RGPD2: variants seen among roughly 807,000 people sequenced by gnomAD.
RGPD2 encodes RANBP2-like and GRIP domain-containing protein 2.
RGPD2 carries 2 observed loss-of-function variants against 36.0 expected under a neutral mutation model. That is an observed-to-expected ratio of 0.06 (90% CI 0.02 to 0.17). The LOEUF is 0.17. Among genes scored for constraint, RGPD2 ranks in the 10% least tolerant of loss-of-function variants. The pLI is 1.00. For synonymous variants in RGPD2, 19 were observed against 163.8 expected (o/e 0.12, Z 6.75); for missense variants, 40 against 464.3 (o/e 0.09, Z 8.40).
At chr2:87,872,799 G>A in the RGPD2 span, among the ~76,000 whole-genome samples, 187 of 150,950 alleles carry the variant, frequency 1.2e-3, no homozygotes, top group Non-Finnish European at 2.3e-3. Context: ...TTCCTCTGTC[G>A]CCCAGGCTGG....
chr2:87,915,444 T>A, the RGPD2 span, among the ~76,000 whole-genome samples: 1 of 141,970 alleles, frequency 7.0e-6, no homozygotes, highest in Admixed American at 7.3e-5. Context: ...TATGTGTATA[T>A]ATATACACAT....
chr2:87,888,403 G>A, the RGPD2 span, among the ~76,000 whole-genome samples: 1 of 143,504 alleles, frequency 7.0e-6, no homozygotes, highest in Non-Finnish European at 1.5e-5. Flanking sequence ...TGGATTTAGG[G>A]CCAAGATTTT....
At chr2:87,834,528 G>GA in the RGPD2 span, among the ~76,000 whole-genome samples, 1 of 151,946 alleles carries the variant, frequency 6.6e-6, no homozygotes, top group Non-Finnish European at 1.5e-5. Context: ...TGAATATATA[G>GA]AAAAAATAGA....
the RGPD2 span, among the ~76,000 whole-genome samples, chr2:87,918,435 G>T: frequency 1.3e-5 from 2 of 151,382 alleles, no homozygotes; most frequent in Non-Finnish European, 2.9e-5. Context: ...TCAACTTAAA[G>T]ATTTCCCAGA....
the RGPD2 span, among the ~76,000 whole-genome samples, chr2:87,952,648 T>A: frequency 1.3e-5 from 2 of 151,804 alleles, no homozygotes; most frequent in Non-Finnish European, 2.9e-5. Context: ...TAATGCCAAC[T>A]CTGATGAAGT....
the RGPD2 span, among the ~76,000 whole-genome samples, chr2:87,857,273 T>C: frequency 6.6e-6 from 1 of 152,266 alleles, no homozygotes; most frequent in Non-Finnish European, 1.5e-5. Flanking sequence ...TAATAGGTTA[T>C]GGCTTACTAA....
the RGPD2 span, among the ~76,000 whole-genome samples, chr2:87,881,101 T>C: frequency 6.6e-6 from 1 of 151,352 alleles, no homozygotes; most frequent in East Asian, 1.9e-4. Flanking sequence ...GGCACACTAG[T>C]GCAAGGGGTG....
the RGPD2 span, among the ~76,000 whole-genome samples, chr2:87,846,250 C>T: frequency 2.6e-5 from 4 of 151,804 alleles, no homozygotes; most frequent in South Asian, 2.1e-4. Flanking sequence ...AGGATGTATA[C>T]GAAGGTAAGA....
At chr2:87,972,521 C>T in the RGPD2 span, 3 of 596,182 alleles carry the variant, frequency 5.0e-6, no homozygotes, top group Middle Eastern at 4.4e-4. Context: ...GGGATGGAAG[C>T]TCCGGCCGCG....
the RGPD2 span, among the ~76,000 whole-genome samples, chr2:87,951,409 G>C: frequency 6.6e-6 from 1 of 152,050 alleles, no homozygotes; most frequent in African/African-American, 2.4e-5. Context: ...TATGTAGACA[G>C]AGAGAACCCC....
At chr2:87,884,982 C>T in the RGPD2 span, among the ~76,000 whole-genome samples, 17 of 152,240 alleles carry the variant, frequency 1.1e-4, no homozygotes, top group Middle Eastern at 3.4e-3. Context: ...CAGTACACTA[C>T]AAGAAAAGAA....
intron 8 of RGPD2, among the ~76,000 whole-genome samples, chr2:87,798,683 G>A (rs4355111): frequency 7.2e-5 from 9 of 125,714 alleles, no homozygotes; most frequent in Admixed American, 8.6e-5. Flanking sequence ...GTGAAACTCC[G>A]TCTCTACTAA....
At chr2:87,839,110 T>A in the RGPD2 span, among the ~76,000 whole-genome samples, 1 of 148,358 alleles carries the variant, frequency 6.7e-6, no homozygotes, top group Non-Finnish European at 1.5e-5. Context: ...CGGAAAATAT[T>A]TGCAAACTAT....
the RGPD2 span, among the ~76,000 whole-genome samples, chr2:87,878,687 A>T: frequency 6.6e-6 from 1 of 152,308 alleles, no homozygotes; most frequent in East Asian, 1.9e-4. Flanking sequence ...TTTATCTCTT[A>T]TCTAAATATA....
intron 6 of RGPD2, among the ~76,000 whole-genome samples, chr2:87,807,413 G>C (rs978541867): frequency 8.0e-6 from 1 of 125,040 alleles, no homozygotes; most frequent in African/African-American, 3.0e-5. Flanking sequence ...TTGAGACAGA[G>C]TCTCTCACTA....
the RGPD2 span, among the ~76,000 whole-genome samples, chr2:87,957,352 C>A: frequency 3.7e-5 from 2 of 54,646 alleles, no homozygotes; most frequent in African/African-American, 5.6e-5. Flanking sequence ...GCAATCATCT[C>A]CAAGCCAGAA....
At chr2:87,866,877 C>A in the RGPD2 span, among the ~76,000 whole-genome samples, 4 of 152,278 alleles carry the variant, frequency 2.6e-5, no homozygotes, top group Admixed American at 2.0e-4. Context: ...AGTCTTTCCT[C>A]CCCGGGCGAG....
chr2:87,980,002 C>G, the RGPD2 span, among the ~76,000 whole-genome samples: 1 of 151,030 alleles, frequency 6.6e-6, no homozygotes, highest in Non-Finnish European at 1.5e-5. Flanking sequence ...AGATGTATTT[C>G]ATTTTTGTAA....
intron 8 of RGPD2, among the ~76,000 whole-genome samples, chr2:87,798,741 G>A (rs1210064122): frequency 2.4e-4 from 32 of 134,098 alleles, no homozygotes; most frequent in Non-Finnish European, 4.4e-4. Context: ...GGTGGCGGGC[G>A]CCTGTAGTCC....
Sources: allele counts gnomAD v4.1 joint callset (sites outside exome capture counted in the v4.1 genomes callset), GRCh38; gene constraint gnomAD v4.1.1; transcripts MANE v1.5; gene names NCBI Gene and HGNC (gene_info 2026-07-23, HGNC 2026-07-21).